Variants in UCK2 observed in about 807,000 individuals in gnomAD.
The protein encoded by UCK2 is uridine-cytidine kinase 2.
UCK2 carries 6 observed loss-of-function variants against 30.8 expected under a neutral mutation model. The observed-to-expected ratio is 0.19, with a 90% CI of 0.11 to 0.38. UCK2 has a LOEUF of 0.38. Ranked by LOEUF, UCK2 falls within the 10% of genes least tolerant of loss-of-function variation. The probability of loss-of-function intolerance (pLI) is 1.00; values close to 1 mark genes in which losing one functional copy is unlikely to be tolerated. For missense variants in UCK2, 210 were observed against 339.8 expected, an observed-to-expected ratio of 0.62 and a Z score of 3.00; for synonymous variants, 125 against 133.6, an observed-to-expected ratio of 0.94 and a Z score of 0.45.
At chr1:165,889,644 A>T (rs1310582756) in intron 1 of UCK2, among the ~76,000 whole-genome samples, 1 of 148,754 alleles carries the variant, frequency 6.7e-6, no homozygotes, top group Non-Finnish European at 1.5e-5. Flanking sequence ...GGATCCTAAG[A>T]CTTCTCTGTC....
chr1:165,856,568 G>A (rs957527102), intron 1 of UCK2, among the ~76,000 whole-genome samples: 1 of 150,944 alleles, frequency 6.6e-6, no homozygotes, highest in African/African-American at 2.4e-5. Context: ...TGACATTCCT[G>A]TGTGTTTTTA....
At chr1:165,896,473 C>T (rs1017028138) in intron 4 of UCK2, 141 bp downstream of exon 4, 35 of 930,790 alleles carry the variant, frequency 3.8e-5, no homozygotes, top group East Asian at 2.9e-4. Context: ...TGGTCCAGCC[C>T]GGCTGCGTCA....
intron 1 of UCK2, among the ~76,000 whole-genome samples, chr1:165,877,817 T>C (rs932994589): frequency 2.6e-5 from 4 of 152,202 alleles, no homozygotes; most frequent in African/African-American, 9.7e-5. Flanking sequence ...TTATCTTCTT[T>C]AATATGCTTT....
rs1160415569 is a variant in UCK2 at position 165,896,386 on chromosome 1, G to T, written c.499+54G>T. On this transcript the variant is annotated intron_variant, in intron 4 of 6. Coordinates refer to ENST00000367879, the MANE Select transcript of UCK2 (RefSeq NM_012474.5). ...GTTGGTGGCCACCTTGAGGGCGGGG[G>T]AGCTGGGAGCCTGTGACAGGACCCC... The T allele has an allele frequency of 2.5e-6, 4 of 1,604,418 alleles. No homozygotes were observed. The African/African-American group carries it at 5.4e-5, about 22-fold the overall frequency.
chr1:165,837,040 C>G (rs1240951658), intron 1 of UCK2, among the ~76,000 whole-genome samples: 1 of 152,040 alleles, frequency 6.6e-6, no homozygotes, highest in African/African-American at 2.4e-5. Context: ...AGGAACCCAC[C>G]CCTGTCATAA....
At chr1:165,902,418 G>T (rs1170888908) in intron 4 of UCK2, among the ~76,000 whole-genome samples, 1 of 133,990 alleles carries the variant, frequency 7.5e-6, no homozygotes, top group African/African-American at 2.8e-5. Context: ...TGTATTAAAA[G>T]AAAAAAAAAT....
At chr1:165,846,995 A>T (rs1033234577) in intron 1 of UCK2, among the ~76,000 whole-genome samples, 5 of 152,144 alleles carry the variant, frequency 3.3e-5, no homozygotes, top group Non-Finnish European at 5.9e-5. Context: ...GCTTTGTATC[A>T]TGTAGAGTGG....
chr1:165,855,353 G>A (rs1230277224), intron 1 of UCK2, among the ~76,000 whole-genome samples: 1 of 152,014 alleles, frequency 6.6e-6, no homozygotes, highest in Non-Finnish European at 1.5e-5. Flanking sequence ...CCCAAATAAG[G>A]TGCTTATATA....
rs60967216 is a variant in UCK2, at chr1:165,880,562, TG to T, written c.100-9637del. 1.5e-3 allele frequency among the ~76,000 whole-genome samples: 168 copies of T among 115,742 alleles called. 2 individuals are homozygous for T. The highest frequency in any genetic ancestry group is 3.3e-3 in the South Asian group (10 of 3,062). The allele number at this position is 115,742 out of a possible 152,430, so 75.9% of individuals were successfully genotyped here. A position where few individuals can be genotyped will look rare whatever the true frequency, so the allele number is the denominator to read the frequency against. Reference sequence around the variant, plus strand: ...AAGCCTAGATCCATTCAGTTTTTTTTGGGGGTGTGTGTGTGTGTGTGTGTGT... The same window carrying T: ...AAGCCTAGATCCATTCAGTTTTTTTTGGGGTGTGTGTGTGTGTGTGTGTGT... On this transcript the variant is annotated intron_variant, in intron 1 of 6. Coordinates refer to ENST00000367879, the MANE Select transcript of UCK2 (RefSeq NM_012474.5).
intron 1 of UCK2, among the ~76,000 whole-genome samples, chr1:165,829,290 CT>C (rs1486153300): frequency 1.3e-5 from 2 of 152,308 alleles, no homozygotes; most frequent in East Asian, 1.9e-4. Flanking sequence ...TGAGTATGTT[CT>C]TTACTATGAC....
chr1:165,884,149 C>G (rs1166405330), intron 1 of UCK2, among the ~76,000 whole-genome samples: 2 of 152,170 alleles, frequency 1.3e-5, no homozygotes, highest in African/African-American at 2.4e-5. Flanking sequence ...GTGACCCACA[C>G]ATAGTCCCAG....
At chr1:165,895,384 C>T (rs1655873986) in intron 3 of UCK2, 1 of 780,994 alleles carries the variant, frequency 1.3e-6, no homozygotes. Context: ...CGCTGCACTC[C>T]AGCCTCCTGG....
intron 1 of UCK2, among the ~76,000 whole-genome samples, chr1:165,855,693 A>G (rs1267646157): frequency 2.0e-5 from 3 of 151,942 alleles, no homozygotes; most frequent in Admixed American, 2.0e-4. Flanking sequence ...GCTGTGTCTG[A>G]CTAGTGTGTA....
At chr1:165,867,540 T>C (rs1177858787) in intron 1 of UCK2, among the ~76,000 whole-genome samples, 1 of 152,230 alleles carries the variant, frequency 6.6e-6, no homozygotes, top group Admixed American at 6.5e-5. Flanking sequence ...ATATTCTAAA[T>C]CCTTTGTTAG....
chr1:165,904,234 A>G (rs1007177071), intron 5 of UCK2: 3 of 152,222 alleles, frequency 2.0e-5, no homozygotes, highest in Non-Finnish European at 4.4e-5. Context: ...TCTTCTGGGA[A>G]AATATCTCAA....
chr1:165,875,239 C>T (rs1383711452), intron 1 of UCK2, among the ~76,000 whole-genome samples: 1 of 152,096 alleles, frequency 6.6e-6, no homozygotes, highest in Non-Finnish European at 1.5e-5. Flanking sequence ...ACAAGGATGC[C>T]AGTGTTCTAA....
At chr1:165,828,030 C>T (rs1478794474) in intron 1 of UCK2, 98 bp downstream of exon 1, 1 of 926,458 alleles carries the variant, frequency 1.1e-6, no homozygotes, top group Non-Finnish European at 1.4e-6. Flanking sequence ...CGGCAGCCAC[C>T]GCGTGGCCCG....
chr1:165,848,668 A>C (rs916843877), intron 1 of UCK2, among the ~76,000 whole-genome samples: 6 of 151,918 alleles, frequency 3.9e-5, no homozygotes, highest in African/African-American at 9.7e-5. Flanking sequence ...ACCCACACAC[A>C]CACACACACC....
intron 1 of UCK2, among the ~76,000 whole-genome samples, chr1:165,828,763 T>C (rs1048131549): frequency 6.6e-6 from 1 of 152,094 alleles, no homozygotes; most frequent in Non-Finnish European, 1.5e-5. Context: ...AATGACTTCC[T>C]AGCTTTACCC....
Sources: gnomAD v4.1 joint callset for allele counts (sites outside exome capture counted in the v4.1 genomes callset) on GRCh38, gnomAD v4.1.1 for gene constraint, MANE v1.5 for transcripts, NCBI Gene and HGNC (gene_info 2026-07-23, HGNC 2026-07-21) for gene names.